NELL1: variants seen among roughly 807,000 people sequenced by gnomAD.
NELL1 encodes the protein neural EGFL like 1.
A neutral mutation model predicts 107.4 loss-of-function variants in NELL1; 76 were observed. That is an observed-to-expected ratio of 0.71 (90% CI 0.59 to 0.86). The LOEUF (loss-of-function observed/expected upper bound fraction) is 0.86. NELL1 is among the 40% of genes least tolerant of loss of function. The pLI is 0.00. For synonymous variants in NELL1, 353 were observed against 341.2 expected (o/e 1.03, Z -0.38); for missense variants, 1,024 against 1,005.5 (o/e 1.02, Z -0.25).
At chr11:21,076,601 G>T (rs1013673798) in intron 12 of NELL1, among the ~76,000 whole-genome samples, 6 of 152,196 alleles carry the variant, frequency 3.9e-5, no homozygotes, top group Non-Finnish European at 8.8e-5. Flanking sequence ...GTGAGCAAAG[G>T]TTTATTCATG....
chr11:21,491,541 T>C (rs1854812954), intron 15 of NELL1, among the ~76,000 whole-genome samples: 1 of 152,176 alleles, frequency 6.6e-6, no homozygotes, highest in Non-Finnish European at 1.5e-5. Flanking sequence ...GGCTCTGTTC[T>C]GTTCCATTGA....
chr11:21,350,311 A>G (rs1459725187), intron 14 of NELL1, among the ~76,000 whole-genome samples: 1 of 152,160 alleles, frequency 6.6e-6, no homozygotes, highest in East Asian at 1.9e-4. Flanking sequence ...TAACAGCACT[A>G]GTAATGGCTA....
chr11:20,760,978 T>C (rs1236305016), intron 2 of NELL1, among the ~76,000 whole-genome samples: 1 of 152,202 alleles, frequency 6.6e-6, no homozygotes, highest in Non-Finnish European at 1.5e-5. Flanking sequence ...TATTGTGTGC[T>C]GTCCCGCGGG....
chr11:20,953,614 C>A (rs1248004221), intron 11 of NELL1, among the ~76,000 whole-genome samples: 1 of 152,118 alleles, frequency 6.6e-6, no homozygotes, highest in Non-Finnish European at 1.5e-5. Flanking sequence ...ACAGGACCAC[C>A]ACTGCATCCA....
intron 15 of NELL1, among the ~76,000 whole-genome samples, chr11:21,516,911 T>C (rs1458064406): frequency 4.6e-5 from 7 of 151,972 alleles, no homozygotes; most frequent in Admixed American, 1.3e-4. Context: ...GTCAAGCAAT[T>C]CTTCTACCTC....
At chr11:20,822,864 G>A (rs1857789804) in intron 3 of NELL1, among the ~76,000 whole-genome samples, 1 of 152,208 alleles carries the variant, frequency 6.6e-6, no homozygotes. Flanking sequence ...CCTTGGTCTT[G>A]TAGTAAGATA....
intron 15 of NELL1, among the ~76,000 whole-genome samples, chr11:21,492,075 G>A (rs1030595386): frequency 2.6e-5 from 4 of 152,240 alleles, no homozygotes; most frequent in African/African-American, 9.6e-5. Flanking sequence ...CCATCAAAAA[G>A]TGGGTGAAGG....
chr11:21,323,941 T>C (rs1850070382), intron 14 of NELL1, among the ~76,000 whole-genome samples: 1 of 152,106 alleles, frequency 6.6e-6, no homozygotes, highest in Non-Finnish European at 1.5e-5. Context: ...AAGCTAAAAA[T>C]AATCTCTCCT....
chr11:21,366,477 AAC>A (rs1161841132), intron 14 of NELL1, among the ~76,000 whole-genome samples: 4 of 152,136 alleles, frequency 2.6e-5, no homozygotes, highest in African/African-American at 9.7e-5. Context: ...TATTTATTTA[AAC>A]AGTTATTTTT....
intron 17 of NELL1, among the ~76,000 whole-genome samples, chr11:21,564,468 C>T (rs1467708566): frequency 6.6e-6 from 1 of 151,832 alleles, no homozygotes; most frequent in Non-Finnish European, 1.5e-5. Flanking sequence ...AGAGTAAGAA[C>T]CAGGGTCTGC....
intron 14 of NELL1, among the ~76,000 whole-genome samples, chr11:21,324,195 A>T (rs1021165579): frequency 2.0e-5 from 3 of 152,066 alleles, no homozygotes; most frequent in Admixed American, 2.0e-4. Context: ...CATTTTGAAG[A>T]TGAGGATTCC....
At chr11:21,162,633 T>C (rs1179736799) in intron 13 of NELL1, among the ~76,000 whole-genome samples, 2 of 152,182 alleles carry the variant, frequency 1.3e-5, no homozygotes, top group Non-Finnish European at 2.9e-5. Flanking sequence ...GGAATTAGTT[T>C]CTAAATGAAA....
intron 15 of NELL1, among the ~76,000 whole-genome samples, chr11:21,442,244 G>C (rs1391257782): frequency 6.6e-6 from 1 of 152,106 alleles, no homozygotes; most frequent in Admixed American, 6.6e-5. Flanking sequence ...AGCAACCTCA[G>C]TTGCCTAAGA....
At chr11:21,541,312 C>A (rs760297670) in intron 16 of NELL1, among the ~76,000 whole-genome samples, 17 of 152,046 alleles carry the variant, frequency 1.1e-4, no homozygotes, top group Non-Finnish European at 1.8e-4. Flanking sequence ...GCTCTCAGGC[C>A]ACTGTAAATG....
intron 2 of NELL1, among the ~76,000 whole-genome samples, chr11:20,700,950 A>G (rs1854765454): frequency 6.6e-6 from 1 of 152,164 alleles, no homozygotes; most frequent in Admixed American, 6.5e-5. Context: ...GCTATTGTGA[A>G]TAGTGCCACA....
intron 18 of NELL1, 104 bp downstream of exon 18, chr11:21,571,044 G>A (rs1456860422): frequency 1.9e-6 from 2 of 1,057,360 alleles, no homozygotes; most frequent in Non-Finnish European, 2.8e-6. Context: ...ATACTATACA[G>A]GGAGCTCTGT....
At chr11:21,558,191 G>A (rs12099082) in intron 16 of NELL1, among the ~76,000 whole-genome samples, 28,028 of 151,522 alleles carry the variant, frequency 0.18, 3,099 homozygotes, top group African/African-American at 0.3. Context: ...GAAAAAGTAG[G>A]GAAAGAGAGA....
At chr11:20,771,636 C>T (rs1206646321) in intron 2 of NELL1, among the ~76,000 whole-genome samples, 1 of 152,164 alleles carries the variant, frequency 6.6e-6, no homozygotes. Flanking sequence ...ACTCTTAGAG[C>T]TGTTTGCGTA....
chr11:20,920,103 A>G (rs565075433), intron 7 of NELL1, among the ~76,000 whole-genome samples: 1 of 152,266 alleles, frequency 6.6e-6, no homozygotes, highest in Admixed American at 6.5e-5. Flanking sequence ...TTGTTGAAAA[A>G]GACACTGAAA....
Sources: allele counts gnomAD v4.1 joint callset (sites outside exome capture counted in the v4.1 genomes callset), GRCh38; gene constraint gnomAD v4.1.1; transcripts MANE v1.5; gene names NCBI Gene and HGNC (gene_info 2026-07-23, HGNC 2026-07-21).